The following MFN1 variants were observed in gnomAD, a reference collection of about 807,000 sequenced individuals.
MFN1 encodes mitofusin-1.
In MFN1, 65 loss-of-function variants were observed where a neutral mutation model predicts 92.4. The observed-to-expected ratio is 0.70, with a 90% CI of 0.58 to 0.86. The LOEUF is 0.86. Ranked by LOEUF, MFN1 falls within the 40% of genes least tolerant of loss-of-function variation. The pLI is 0.00. For synonymous variants in MFN1, 297 were observed against 300.9 expected, an observed-to-expected ratio of 0.99 and a Z score of 0.13; for missense variants, 781 against 868.0, an observed-to-expected ratio of 0.90 and a Z score of 1.26.
At chr3:179,374,593 A>C (rs548900244) in intron 9 of MFN1, among the ~76,000 whole-genome samples, 4 of 152,064 alleles carry the variant, frequency 2.6e-5, no homozygotes, top group African/African-American at 7.2e-5. Context: ...GGCATGATTC[A>C]GGTTTCTGTG....
chr3:179,390,457 A>G (rs752617123), intron 17 of MFN1, among the ~76,000 whole-genome samples: 155 of 152,216 alleles, frequency 1.0e-3, no homozygotes, highest in Non-Finnish European at 1.3e-3. Flanking sequence ...CAGAAGTTGT[A>G]TAATTAAAAG....
chr3:179,366,606 T>G (rs1158726560), intron 7 of MFN1, among the ~76,000 whole-genome samples: 1 of 152,164 alleles, frequency 6.6e-6, no homozygotes, highest in African/African-American at 2.4e-5. Context: ...TTTCCCCAAT[T>G]GGAATTTTGC....
intron 6 of MFN1, 81 bp downstream of exon 6, chr3:179,364,486 C>A (rs1712706207): frequency 2.6e-6 from 3 of 1,137,412 alleles, no homozygotes; most frequent in African/African-American, 3.1e-5. Context: ...CAAGGGAAAT[C>A]CATATCGTGG....
At position 179,373,735 on chromosome 3, in the gene MFN1, G is replaced by A. The variant is rs542434911; in HGVS notation, c.976-1485G>A. ...GTCGCCCAGGCTGGAGTGCAGTGGC[G>A]CTATCTCAGCTCACTGCAAGCTCCA... On this transcript the variant is annotated intron_variant, in intron 9 of 17. Transcript: ENST00000471841. 1.1e-4 allele frequency among the ~76,000 whole-genome samples: 17 copies of A among 151,854 alleles called. No homozygotes were observed. In the East Asian group the frequency reaches 2.5e-3, roughly 23 times the overall value.
At position 179,370,475 on chromosome 3, in the gene MFN1, G is replaced by C. The variant is rs375974723; in HGVS notation, c.975+2372G>C. On this transcript the variant is annotated intron_variant, in intron 9 of 17. Transcript: ENST00000471841. ...AATGAGGGAGTGAGTGCAGCGGCGC[G>C]ATGTCAGCTCACTACAACCTCCGGC... is the stretch of plus-strand genomic sequence containing the variant. Among the ~76,000 whole-genome samples, 6 of 145,242 alleles carry C rather than the reference G, an allele frequency of 4.1e-5. 2 individuals are homozygous for C. The highest frequency in any genetic ancestry group is 2.3e-4 in the South Asian group (1 of 4,418).
In MFN1 at chr3:179,347,731, CTT is replaced by C. The variant is rs1037197891; in HGVS notation, c.-85_-84del. 4 of 152,356 alleles carry C rather than the reference CTT, an allele frequency of 2.6e-5. No individual in the cohort carries two copies. The highest frequency in any genetic ancestry group is 9.6e-5 in the African/African-American group (4 of 41,474). The allele number at this position is 152,356 out of a possible 1,614,324, so 9.4% of individuals were successfully genotyped here. A position where few individuals can be genotyped will look rare whatever the true frequency, so the allele number is the denominator to read the frequency against. On this transcript the variant is annotated 5_prime_UTR_variant, in exon 1 of 18. Transcript: ENST00000471841. Reference sequence around the variant, plus strand: ...GCCACTCCCCCTGCCTCCTCTCCGCCTTTAACTTCTCGGGAAGATGAGGCAGT... The same window carrying C: ...GCCACTCCCCCTGCCTCCTCTCCGCCTAACTTCTCGGGAAGATGAGGCAGT...
chr3:179,367,452 A>C lies in MFN1; in HGVS notation c.767A>C (p.His256Pro). The change falls in exon 8 of 18, where the codon CAC becomes CCC. Residue 256 changes from histidine to proline, a missense_variant. Physicochemically the swap from His to Pro is moderately conservative, Grantham distance 77. Transcript: ENST00000471841. ...PEYMEDVRRQ[H>P]MERCLHFLVE... ...TTTTCTCTGTAGGTACGCAGACAGCACATGGAAAGATGCCTGCATTTCTTG... is the reference window on the plus strand; with the variant it reads ...TTTTCTCTGTAGGTACGCAGACAGCCCATGGAAAGATGCCTGCATTTCTTG... The C allele has an allele frequency of 1.2e-6, 2 of 1,611,718 alleles. No homozygotes were observed. The highest frequency in any genetic ancestry group is 1.7e-6 in the Non-Finnish European group (2 of 1,179,220).
In MFN1 at chr3:179,362,464, A is replaced by G; in HGVS notation, c.518A>G (p.Asp173Gly). The stretch of plus-strand genomic sequence containing the variant: ...GCAAAATGTGCCCTCTTGAGAGATG[A>G]CCTGGTGTTAGTAGACAGGTAAAAT... ...PKAKCALLRD[D>G]LVLVDSPGTD... The change falls in exon 5 of 18, where the codon GAC becomes GGC. Residue 173 changes from aspartate to glycine, a missense_variant. Coordinates refer to ENST00000471841, the MANE Select transcript of MFN1 (RefSeq NM_033540.3). The G allele has an allele frequency of 6.2e-7, 1 of 1,613,546 alleles. No homozygotes were observed. The highest frequency in any genetic ancestry group is 8.5e-7 in the Non-Finnish European group (1 of 1,179,830).
At position 179,392,832 on chromosome 3, in the gene MFN1, A is replaced by T. The variant is rs1713960698; in HGVS notation, c.*773A>T. ...TTTGAATGATAAACAGTGATGTTTT[A>T]AAAAAGCTGTTGTTCTTCAGGAGGC... is the stretch of plus-strand genomic sequence containing the variant. On this transcript the variant is annotated 3_prime_UTR_variant, in exon 18 of 18. Coordinates refer to ENST00000471841, the MANE Select transcript of MFN1 (RefSeq NM_033540.3). 6.6e-6 allele frequency: 1 copy of T among 152,210 alleles called. No individual in the cohort carries two copies. The highest frequency in any genetic ancestry group is 2.4e-5 in the African/African-American group (1 of 41,454). 9.4% of individuals were successfully genotyped at this position (152,210 alleles called of 1,614,324 possible). A position where few individuals can be genotyped will look rare whatever the true frequency, so the allele number is the denominator to read the frequency against.
At chr3:179,367,323 A>T in intron 7 of MFN1, 116 bp from the exon 8 acceptor site, 1 of 735,032 alleles carries the variant, frequency 1.4e-6, no homozygotes, top group Non-Finnish European at 2.0e-6. Flanking sequence ...TAAATTCATT[A>T]GTTATATGGT....
intron 3 of MFN1, among the ~76,000 whole-genome samples, chr3:179,356,962 G>A (rs1474997902): frequency 6.6e-6 from 1 of 152,176 alleles, no homozygotes; most frequent in African/African-American, 2.4e-5. Context: ...GGAATTTGAG[G>A]TTAGGGTTTT....
In MFN1 at chr3:179,367,424, C is replaced by T; in HGVS notation, c.754-15C>T. 3 of 1,563,120 alleles carry T rather than the reference C, an allele frequency of 1.9e-6. No individual in the cohort carries two copies. Among genetic ancestry groups the T allele is most frequent in the Non-Finnish European group, 2.6e-6 (3 of 1,155,886 alleles). ...TTAAATTATTAGAATTCTTTTAATACCGTTTTCTCTGTAGGTACGCAGACA... is the reference window on the plus strand; with the variant it reads ...TTAAATTATTAGAATTCTTTTAATATCGTTTTCTCTGTAGGTACGCAGACA... On this transcript the variant is annotated splice_polypyrimidine_tract_variant and intron_variant, in intron 7 of 17. Coordinates refer to ENST00000471841, the MANE Select transcript of MFN1 (RefSeq NM_033540.3).
At position 179,383,864 on chromosome 3, in the gene MFN1, T is replaced by A. The variant is rs1713569501; in HGVS notation, c.1663-1705T>A. The stretch of plus-strand genomic sequence containing the variant: ...AATACAAGCATTTTAAAAGAAAAAC[T>A]TTAAAAAATTTATCAATTCAGTAAT... On this transcript the variant is annotated intron_variant, in intron 14 of 17. Transcript: ENST00000471841. Among the ~76,000 whole-genome samples, 3 of 152,336 alleles carry A rather than the reference T, an allele frequency of 2.0e-5. No homozygotes were observed. The South Asian group carries it at 6.2e-4, about 32-fold the overall frequency.
At chr3:179,352,133 G>T (rs182181350) in intron 3 of MFN1, 98 bp downstream of exon 3, 96 of 1,259,242 alleles carry the variant, frequency 7.6e-5, no homozygotes, top group Non-Finnish European at 1.0e-4. Context: ...CCCCAGCCCC[G>T]CAAGTTTCTG....
chr3:179,358,741 A>C (rs1360267204), intron 3 of MFN1, 99 bp from the exon 4 acceptor site: 2 of 1,264,050 alleles, frequency 1.6e-6, no homozygotes, highest in African/African-American at 1.5e-5. Flanking sequence ...AGAAATCTTA[A>C]CAAAATTTGG....
At chr3:179,388,414 C>T (rs1468483041) in intron 16 of MFN1, among the ~76,000 whole-genome samples, 1 of 152,056 alleles carries the variant, frequency 6.6e-6, no homozygotes, top group Non-Finnish European at 1.5e-5. Flanking sequence ...ATAACATATA[C>T]CTAAGTCCAC....
chr3:179,347,800 G>A lies in MFN1; in HGVS notation c.-18G>A, dbSNP rs1478656076. The A allele has an allele frequency of 6.6e-6, 1 of 152,370 alleles. No homozygotes were observed. The highest frequency in any genetic ancestry group is 2.4e-5 in the African/African-American group (1 of 41,472). 9.4% of individuals were successfully genotyped at this position (152,370 alleles called of 1,614,324 possible). ...AGTTGCTGTTGCCGGGTGATAGTTG[G>A]AGCGGAGACTGTGAGTGCCGGCTGC... On this transcript the variant is annotated 5_prime_UTR_variant, in exon 1 of 18. Coordinates refer to ENST00000471841, the MANE Select transcript of MFN1 (RefSeq NM_033540.3).
chr3:179,374,904 T>C (rs1398586572), intron 9 of MFN1, among the ~76,000 whole-genome samples: 2 of 152,192 alleles, frequency 1.3e-5, no homozygotes, highest in Admixed American at 6.5e-5. Flanking sequence ...CAGATAAAAA[T>C]AGTAATTCTA....
intron 4 of MFN1, among the ~76,000 whole-genome samples, chr3:179,361,258 C>A (rs1712564035): frequency 6.6e-6 from 1 of 152,126 alleles, no homozygotes; most frequent in Non-Finnish European, 1.5e-5. Context: ...TTAAAGAAAT[C>A]ATCTCTCATT....
Sources: allele counts gnomAD v4.1 joint callset (sites outside exome capture counted in the v4.1 genomes callset), GRCh38; gene constraint gnomAD v4.1.1; transcripts MANE v1.5; gene names NCBI Gene and HGNC (gene_info 2026-07-23, HGNC 2026-07-21).